KIFC3: variants seen among roughly 807,000 people sequenced by gnomAD.
KIFC3 encodes kinesin-like protein KIFC3.
In KIFC3, 60 loss-of-function variants were observed where a neutral mutation model predicts 101.8. The observed-to-expected ratio is 0.59, with a 90% CI of 0.48 to 0.73. The LOEUF (loss-of-function observed/expected upper bound fraction) is 0.73. Ranked by LOEUF, KIFC3 falls within the 30% of genes least tolerant of loss-of-function variation. The pLI is 0.00. For synonymous variants in KIFC3, 476 were observed against 482.7 expected (o/e 0.99, Z 0.18); for missense variants, 966 against 1,137.1 (o/e 0.85, Z 2.16).
At chr16:57,827,473 G>A (rs1226431996) in intron 1 of KIFC3, among the ~76,000 whole-genome samples, 2 of 152,248 alleles carry the variant, frequency 1.3e-5, no homozygotes, top group Non-Finnish European at 2.9e-5. Context: ...GCCCATGCCT[G>A]GCACAGAGGA....
intron 1 of KIFC3, among the ~76,000 whole-genome samples, chr16:57,852,028 A>G (rs1159935222): frequency 6.6e-6 from 1 of 152,102 alleles, no homozygotes; most frequent in East Asian, 1.9e-4. Context: ...AGTGTGAGCC[A>G]CCACACCCAG....
At chr16:57,810,600 G>A in intron 1 of KIFC3, 1 of 950,262 alleles carries the variant, frequency 1.1e-6, no homozygotes, top group Non-Finnish European at 1.3e-6. Flanking sequence ...CAAGGGAGGG[G>A]AGGGACAAAC....
intron 1 of KIFC3, among the ~76,000 whole-genome samples, chr16:57,846,088 C>G (rs1476188217): frequency 6.6e-6 from 1 of 152,154 alleles, no homozygotes; most frequent in African/African-American, 2.4e-5. Context: ...GGCCTGGAGA[C>G]CCAACCCTTT....
At position 57,856,140 on chromosome 16, in the gene KIFC3, A is replaced by G. The variant is rs2056161476; in HGVS notation, c.108+6589T>C. Reference sequence around the variant, plus strand: ...GGCATTTGAGACCAGCCTGGGCAACATAGCAAGACCCTGTCTGTATATAAC... The same window carrying G: ...GGCATTTGAGACCAGCCTGGGCAACGTAGCAAGACCCTGTCTGTATATAAC... On this transcript the variant is annotated intron_variant, in intron 1 of 2. Coordinates refer to the KIFC3 transcript ENST00000563028. 3.3e-5 allele frequency among the ~76,000 whole-genome samples: 5 copies of G among 152,000 alleles called. 1 individual carries two copies. In the South Asian group the frequency reaches 1.0e-3, roughly 32 times the overall value.
At chr16:57,791,897 A>C (rs1439242585) in intron 3 of KIFC3, among the ~76,000 whole-genome samples, 2 of 152,244 alleles carry the variant, frequency 1.3e-5, no homozygotes, top group Non-Finnish European at 2.9e-5. Flanking sequence ...CTTTTGGTTC[A>C]GTTTTCAGAT....
At chr16:57,816,472 G>T (rs782339195) in intron 1 of KIFC3, 1 of 458,778 alleles carries the variant, frequency 2.2e-6, no homozygotes, top group Admixed American at 2.3e-5. Flanking sequence ...CAGAGCTGCC[G>T]AAGTGACTCA....
chr16:57,856,203 G>A (rs1300949735), intron 1 of KIFC3, among the ~76,000 whole-genome samples: 3 of 151,694 alleles, frequency 2.0e-5, no homozygotes, highest in Non-Finnish European at 4.4e-5. Context: ...AAAAAAGGCT[G>A]GGCACAGTGG....
chr16:57,764,726 G>C (rs544794916), intron 11 of KIFC3, among the ~76,000 whole-genome samples: 1 of 152,218 alleles, frequency 6.6e-6, no homozygotes, highest in East Asian at 1.9e-4. Flanking sequence ...AGGGGGTTGG[G>C]GGATTCCTAG....
chr16:57,836,166 G>T (rs2055681672), intron 1 of KIFC3, among the ~76,000 whole-genome samples: 1 of 152,222 alleles, frequency 6.6e-6, no homozygotes, highest in African/African-American at 2.4e-5. Flanking sequence ...AGGCCAGAAT[G>T]CAGTAGCAAG....
chr16:57,805,642 T>A (rs1289199398), upstream of KIFC3, among the ~76,000 whole-genome samples: 1 of 149,194 alleles, frequency 6.7e-6, no homozygotes, highest in African/African-American at 2.5e-5. Flanking sequence ...TCAGACAAGA[T>A]CAGGTGTGTT....
chr16:57,846,035 G>GC (rs758687382), intron 1 of KIFC3, among the ~76,000 whole-genome samples: 1 of 152,180 alleles, frequency 6.6e-6, no homozygotes, highest in African/African-American at 2.4e-5. Context: ...TGACTTCCCT[G>GC]CCCCTCAGGA....
intron 1 of KIFC3, among the ~76,000 whole-genome samples, chr16:57,829,429 A>C (rs1436096759): frequency 6.6e-6 from 1 of 151,956 alleles, no homozygotes; most frequent in African/African-American, 2.4e-5. Context: ...AATTTTTAAA[A>C]GATGTAGTAG....
At chr16:57,783,437 T>C (rs1568012627) in intron 3 of KIFC3, among the ~76,000 whole-genome samples, 2 of 151,508 alleles carry the variant, frequency 1.3e-5, no homozygotes, top group African/African-American at 2.4e-5. Flanking sequence ...TTTTATGGCA[T>C]GTGAATTATA....
chr16:57,784,722 C>T (rs1158314537), intron 3 of KIFC3, among the ~76,000 whole-genome samples: 1 of 152,096 alleles, frequency 6.6e-6, no homozygotes, highest in African/African-American at 2.4e-5. Flanking sequence ...GTGGGCGAGG[C>T]TCAGATACAG....
rs1419910453 is a variant in KIFC3, at chr16:57,860,814, T to C, written c.108+1915A>G. The stretch of plus-strand genomic sequence containing the variant: ...TATAGTCTCAACCTCCCAGGCTCCA[T>C]TGATCCTTCCACTTTAGCCTCCCAA... On this transcript the variant is annotated intron_variant, in intron 1 of 2. Coordinates refer to the KIFC3 transcript ENST00000563028. Among the ~76,000 whole-genome samples the C allele has an allele frequency of 2.0e-5, 3 of 152,102 alleles. No homozygotes were observed. The South Asian group carries it at 6.2e-4, about 32-fold the overall frequency.
At chr16:57,795,882 TTG>T (rs2054258517) in intron 2 of KIFC3, among the ~76,000 whole-genome samples, 1 of 35,386 alleles carries the variant, frequency 2.8e-5, no homozygotes, top group Non-Finnish European at 8.3e-5. Flanking sequence ...TTGGGCTTTT[TTG>T]TTTTTTTTTT....
At chr16:57,797,789 G>A (rs746776984) in intron 2 of KIFC3, 34 of 1,344,428 alleles carry the variant, frequency 2.5e-5, no homozygotes, top group Non-Finnish European at 3.1e-5. Flanking sequence ...TGACCAGCTT[G>A]GCCAGAGGGA....
intron 3 of KIFC3, among the ~76,000 whole-genome samples, chr16:57,789,371 C>A (rs79771729): frequency 0.02 from 3,122 of 152,310 alleles, 124 homozygotes; most frequent in African/African-American, 0.072. Flanking sequence ...AGGGGAGGCA[C>A]GAAGAGGTGT....
In KIFC3 at chr16:57,770,671, C is replaced by T. The variant is rs199869651; in HGVS notation, c.795G>A (p.Ser265=). 22 of 1,545,050 alleles carry T rather than the reference C, an allele frequency of 1.4e-5. No individual in the cohort carries two copies. The highest frequency in any genetic ancestry group is 1.0e-4 in the Admixed American group (5 of 48,002). ...CGCTGAGGGCCTGCTTGGTCTTGGA[C>T]GACTCCACCTCCACTGTCTTGATGA... ...KYVIKTVEVE[S]SKTKQALSES... is the part of the protein sequence containing the mutation. The change falls in exon 7 of 20, where the codon TCG becomes TCA. Residue 265 remains serine, a synonymous_variant. Coordinates refer to ENST00000445690, the MANE Select transcript of KIFC3 (RefSeq NM_001130100.2).
Sources: allele counts gnomAD v4.1 joint callset (sites outside exome capture counted in the v4.1 genomes callset), GRCh38; gene constraint gnomAD v4.1.1; transcripts MANE v1.5; gene names NCBI Gene and HGNC (gene_info 2026-07-23, HGNC 2026-07-21).